The following HMX1 variants were observed in gnomAD, a reference collection of about 807,000 sequenced individuals.
HMX1 encodes the protein H6 family homeobox 1, also known as homeobox protein HMX1.
Under a neutral mutation model 8.9 loss-of-function variants are expected in HMX1, and 8 were observed. The observed-to-expected ratio is 0.90, with a 90% CI of 0.53 to 1.63. The LOEUF (loss-of-function observed/expected upper bound fraction) is 1.63, where lower values mean the gene tolerates loss of function less well. HMX1 is among the 40% of genes most tolerant of loss of function. The pLI is 0.00. For missense variants in HMX1, 621 were observed against 558.5 expected (o/e 1.11, Z -1.13); for synonymous variants, 311 against 283.4 (o/e 1.10, Z -0.98).
chr4:8,855,881 A>G (rs1481904549), intron 1 of HMX1, among the ~76,000 whole-genome samples: 1 of 152,194 alleles, frequency 6.6e-6, no homozygotes, highest in Non-Finnish European at 1.5e-5. Context: ...GGAGCTGGAA[A>G]GAGGAGGTTC....
chr4:8,860,825 T>G (rs1721778289), intron 1 of HMX1: 1 of 152,232 alleles, frequency 6.6e-6, no homozygotes, highest in Non-Finnish European at 1.5e-5. Flanking sequence ...ACGGCTCCAC[T>G]GTGCAGACCC....
In HMX1 at chr4:8,847,625, G is replaced by C. The variant is rs1361031917; in HGVS notation, c.395-1301C>G. ...CAGAGATGCTTCTGCTCAGGGCCAA[G>C]GGCTCCCAGGTCACAGATGTGGAAA... On this transcript the variant is annotated intron_variant, in intron 1 of 1. Coordinates refer to the HMX1 transcript ENST00000506970. This position sits in a 1 kb window ranked among gnomAD's most constrained non-coding sequence, Gnocchi z 6.0. Among the ~76,000 whole-genome samples the C allele has an allele frequency of 6.6e-6, 1 of 152,198 alleles. No homozygotes were observed. The highest frequency in any genetic ancestry group is 1.5e-5 in the Non-Finnish European group (1 of 68,040).
chr4:8,867,368 C>A lies in HMX1; in HGVS notation c.*325G>T, dbSNP rs1016470304. ...GCTGGGCTTGGCCTGAGGGCAGCTG[C>A]CCCGGGTGGCCATGGCCGACCGCTC... is the stretch of plus-strand genomic sequence containing the variant. On this transcript the variant is annotated 3_prime_UTR_variant, in exon 2 of 2. Coordinates refer to ENST00000400677, the MANE Select transcript of HMX1 (RefSeq NM_018942.3). 8 of 1,032,760 alleles carry A rather than the reference C, an allele frequency of 7.7e-6. No homozygotes were observed. Among genetic ancestry groups the A allele is most frequent in the Non-Finnish European group, 9.3e-6 (8 of 861,570 alleles). The allele number at this position is 1,032,760 out of a possible 1,614,324, so 64.0% of individuals were successfully genotyped here.
chr4:8,855,115 G>T (rs1721571320), intron 1 of HMX1, among the ~76,000 whole-genome samples: 1 of 152,242 alleles, frequency 6.6e-6, no homozygotes, highest in African/African-American at 2.4e-5. Flanking sequence ...AGCGCCTGCA[G>T]TCCCTCTCCC....
intron 1 of HMX1, among the ~76,000 whole-genome samples, chr4:8,858,318 G>T (rs916042033): frequency 6.6e-6 from 1 of 152,118 alleles, no homozygotes; most frequent in Non-Finnish European, 1.5e-5. Context: ...GTCCGGAGAA[G>T]CAGAAAGAGA....
chr4:8,856,550 T>C (rs1721613910), intron 1 of HMX1, among the ~76,000 whole-genome samples: 1 of 152,114 alleles, frequency 6.6e-6, no homozygotes, highest in Non-Finnish European at 1.5e-5. Context: ...GGCGTCTATG[T>C]AGACATTTTT....
chr4:8,867,826 G>A lies in HMX1; in HGVS notation c.914C>T (p.Pro305Leu). 2 of 1,226,990 alleles carry A rather than the reference G, an allele frequency of 1.6e-6. No individual in the cohort carries two copies. Among genetic ancestry groups the A allele is most frequent in the African/African-American group, 1.6e-5 (1 of 63,784 alleles). The allele number at this position is 1,226,990 out of a possible 1,614,324, so 76.0% of individuals were successfully genotyped here. ...AAGPPATLPFPLAPAAPAPPP... is the reference protein window; with the variant it reads ...AAGPPATLPFLLAPAAPAPPP... ...CGGCGCGGGCGCGGCGGGCGCCAGC[G>A]GGAAGGGCAGGGTGGCCGGGGGCCC... Residue 305 changes from proline (P) to leucine (L), a missense_variant, in exon 2 of 2, where the codon CCG becomes CTG. Transcript: ENST00000400677.
At chr4:8,865,492 G>A (rs996868346), downstream of HMX1, among the ~76,000 whole-genome samples, 2 of 152,060 alleles carry the variant, frequency 1.3e-5, no homozygotes, top group African/African-American at 4.8e-5. Context: ...GTGGGACTCG[G>A]AGGCTCCGCG....
chr4:8,865,614 G>T (rs1721970696), downstream of HMX1, among the ~76,000 whole-genome samples: 1 of 152,140 alleles, frequency 6.6e-6, no homozygotes, highest in Non-Finnish European at 1.5e-5. Flanking sequence ...GGTCCCAGGA[G>T]CCTGAGTCAG....
At position 8,848,665 on chromosome 4, in the gene HMX1, C is replaced by CT. The variant is rs1721345625; in HGVS notation, c.395-2342dup. Among the ~76,000 whole-genome samples the CT allele has an allele frequency of 6.6e-6, 1 of 152,168 alleles. No homozygotes were observed. On this transcript the variant is annotated intron_variant, in intron 1 of 1. Coordinates refer to the HMX1 transcript ENST00000506970. The surrounding 1 kb of genome is among the most constrained non-coding windows in gnomAD (Gnocchi z 4.1). ...ACCTAAACCAGGCTCCCCCATCCCC[C>CT]TTTTTTCAGATATGCCTTGCAAGAA...
chr4:8,852,498 T>C (rs1253757685), intron 1 of HMX1, among the ~76,000 whole-genome samples: 2 of 152,186 alleles, frequency 1.3e-5, no homozygotes, highest in South Asian at 2.1e-4. Context: ...CTGACTCCAA[T>C]GCCCGGGCTC....
chr4:8,867,494 G>T lies in HMX1; in HGVS notation c.*199C>A. 8.5e-7 allele frequency: 1 copy of T among 1,171,764 alleles called. No homozygotes were observed. The highest frequency in any genetic ancestry group is 1.1e-6 in the Non-Finnish European group (1 of 950,016). The allele number at this position is 1,171,764 out of a possible 1,614,324, so 72.6% of individuals were successfully genotyped here. A position where few individuals can be genotyped will look rare whatever the true frequency, so the allele number is the denominator to read the frequency against. On this transcript the variant is annotated 3_prime_UTR_variant, in exon 2 of 2. Transcript: ENST00000400677. The stretch of plus-strand genomic sequence containing the variant: ...TGGGGATCCAGCCTGGCAAATGGGT[G>T]GGGCGTCCCATTACATTCTAGAGGC...
downstream of HMX1, among the ~76,000 whole-genome samples, chr4:8,864,423 G>C (rs1291335294): frequency 6.6e-6 from 1 of 152,204 alleles, no homozygotes; most frequent in Non-Finnish European, 1.5e-5. Flanking sequence ...GTGAGGAGGT[G>C]GGTGGAACCC....
intron 1 of HMX1, among the ~76,000 whole-genome samples, chr4:8,859,902 G>A (rs1355193153): frequency 1.3e-5 from 2 of 152,220 alleles, no homozygotes; most frequent in Non-Finnish European, 2.9e-5. Flanking sequence ...CACGGCTCTG[G>A]GCCCGGATCT....
In HMX1 at chr4:8,847,019, G is replaced by T. The variant is rs150690564; in HGVS notation, c.395-695C>A. On this transcript the variant is annotated intron_variant, in intron 1 of 1. Transcript: ENST00000506970. This position sits in a 1 kb window ranked among gnomAD's most constrained non-coding sequence, Gnocchi z 6.0. The stretch of plus-strand genomic sequence containing the variant: ...CAAAAGTGACATGGGACACGGAAAT[G>T]ACTATGACTCAGCTCCTGTCTCAAA... Among the ~76,000 whole-genome samples, 63 of 152,356 alleles carry T rather than the reference G, an allele frequency of 4.1e-4. No homozygotes were observed. The highest frequency in any genetic ancestry group is 1.5e-3 in the African/African-American group (61 of 41,580).
chr4:8,859,589 C>G (rs1221202610), intron 1 of HMX1, among the ~76,000 whole-genome samples: 1 of 152,162 alleles, frequency 6.6e-6, no homozygotes, highest in African/African-American at 2.4e-5. Context: ...AGCTGACACC[C>G]TCCCCCACTC....
At chr4:8,859,920 C>T (rs1054243547) in intron 1 of HMX1, among the ~76,000 whole-genome samples, 2 of 152,238 alleles carry the variant, frequency 1.3e-5, no homozygotes, top group Non-Finnish European at 2.9e-5. Flanking sequence ...TCTGTGTCCA[C>T]CTCTGGATAC....
At chr4:8,856,781 G>A (rs963177585) in intron 1 of HMX1, among the ~76,000 whole-genome samples, 1 of 152,186 alleles carries the variant, frequency 6.6e-6, no homozygotes, top group Admixed American at 6.5e-5. Flanking sequence ...CATACATCAT[G>A]AGGGAAAATC....
In HMX1 at chr4:8,871,728, T is replaced by G; in HGVS notation, c.-114A>C. 9.6e-7 allele frequency: 1 copy of G among 1,043,934 alleles called. No homozygotes were observed. The highest frequency in any genetic ancestry group is 1.2e-6 in the Non-Finnish European group (1 of 868,614). 64.7% of individuals were successfully genotyped at this position (1,043,934 alleles called of 1,614,324 possible). The stretch of plus-strand genomic sequence containing the variant: ...GCCCTGGAGCTGCTACCCGGACCGC[T>G]GGCGTCGGGCCCCGCAGGGCAGGCG... On this transcript the variant is annotated 5_prime_UTR_variant, in exon 1 of 2. Transcript: ENST00000400677. The surrounding 1 kb of genome is among the most constrained non-coding windows in gnomAD (Gnocchi z 4.8).
Sources: allele counts gnomAD v4.1 joint callset (sites outside exome capture counted in the v4.1 genomes callset), GRCh38; gene constraint gnomAD v4.1.1; non-coding constraint Gnocchi (gnomAD v3.1); transcripts MANE v1.5; gene names NCBI Gene and HGNC (gene_info 2026-07-23, HGNC 2026-07-21).